Variants in PTGR3 observed in about 807,000 individuals in gnomAD.
PTGR3 encodes the protein prostaglandin reductase 3, also known as zinc binding alcohol dehydrogenase domain containing 2.
chr18:75,201,484 T>C, the PTGR3 span: 1 of 1,614,208 alleles, frequency 6.2e-7, no homozygotes, highest in Non-Finnish European at 8.5e-7. Flanking sequence ...CCCATGTACA[T>C]ATAATTGACA....
the PTGR3 span, among the ~76,000 whole-genome samples, chr18:75,204,998 G>A: frequency 1.3e-5 from 2 of 152,178 alleles, no homozygotes; most frequent in African/African-American, 4.8e-5. Context: ...CTGCGTCGTC[G>A]GTGAAGGAGG....
chr18:75,196,219 C>T, the PTGR3 span: 1 of 152,170 alleles, frequency 6.6e-6, no homozygotes, highest in Non-Finnish European at 1.5e-5. Context: ...TTAGATGCTA[C>T]CACCTATGTG....
chr18:75,202,665 C>CAA, the PTGR3 span, among the ~76,000 whole-genome samples: 9,854 of 78,968 alleles, frequency 0.12, 529 homozygotes, highest in African/African-American at 0.22. Flanking sequence ...TAGAAATAAG[C>CAA]AAAAAAAAAA....
chr18:75,208,750 G>A, the PTGR3 span: 130 of 1,150,364 alleles, frequency 1.1e-4, no homozygotes, highest in Non-Finnish European at 1.4e-4. Context: ...GCGCGCCGGA[G>A]TGTGGGCACG....
At chr18:75,204,000 A>AG in the PTGR3 span, among the ~76,000 whole-genome samples, 1 of 152,180 alleles carries the variant, frequency 6.6e-6, no homozygotes, top group Non-Finnish European at 1.5e-5. Context: ...TTGCTCTGGA[A>AG]GTGGGGGGAC....
the PTGR3 span, chr18:75,199,397 C>T: frequency 1.3e-5 from 2 of 152,366 alleles, no homozygotes; most frequent in Non-Finnish European, 1.5e-5. Flanking sequence ...AGATTTCACA[C>T]ATCTATCTGC....
At chr18:75,208,578 G>A in the PTGR3 span, 2,168 of 1,017,284 alleles carry the variant, frequency 2.1e-3, 79 homozygotes, top group South Asian at 0.076. Flanking sequence ...GGGAGGGCTG[G>A]AGGAGGGGAG....
chr18:75,196,717 C>T, the PTGR3 span: 1 of 148,478 alleles, frequency 6.7e-6, no homozygotes, highest in African/African-American at 2.5e-5. Context: ...TTTCTCCAAA[C>T]TGTGCTCCCC....
At chr18:75,199,085 C>G in the PTGR3 span, 4 of 152,626 alleles carry the variant, frequency 2.6e-5, no homozygotes, top group African/African-American at 9.7e-5. Flanking sequence ...AAACAGCATG[C>G]AGTGCACTTT....
the PTGR3 span, chr18:75,201,617 C>T: frequency 6.2e-7 from 1 of 1,614,176 alleles, no homozygotes; most frequent in South Asian, 1.1e-5. Context: ...CTGCTTGATA[C>T]TTAGAAAGGT....
the PTGR3 span, chr18:75,208,990 G>A: frequency 1.9e-6 from 3 of 1,594,892 alleles, no homozygotes; most frequent in Non-Finnish European, 2.6e-6. Flanking sequence ...AGCCCTGGAA[G>A]TCCAGGAAGT....
At chr18:75,199,502 A>C in the PTGR3 span, 1 of 152,170 alleles carries the variant, frequency 6.6e-6, no homozygotes, top group Non-Finnish European at 1.5e-5. Context: ...TTCCATTACC[A>C]GTCATTTCCT....
At chr18:75,204,381 A>G in the PTGR3 span, among the ~76,000 whole-genome samples, 1 of 152,156 alleles carries the variant, frequency 6.6e-6, no homozygotes, top group East Asian at 1.9e-4. Context: ...GCAGAGGCCA[A>G]GTTTGGGAGG....
At chr18:75,209,011 C>T in the PTGR3 span, 4 of 1,585,878 alleles carry the variant, frequency 2.5e-6, no homozygotes, top group African/African-American at 4.1e-5. This position sits in a 1 kb window ranked among gnomAD's most constrained non-coding sequence, Gnocchi z 4.7. Flanking sequence ...GGCGGGCGTA[C>T]GACATGTCCA....
the PTGR3 span, chr18:75,205,231 C>T: frequency 8.1e-6 from 8 of 985,500 alleles, no homozygotes; most frequent in Admixed American, 1.8e-4. Flanking sequence ...TTCCGCTCCA[C>T]CAGAAACAAG....
the PTGR3 span, chr18:75,196,245 AT>A: frequency 6.6e-6 from 1 of 152,154 alleles, no homozygotes; most frequent in Non-Finnish European, 1.5e-5. Flanking sequence ...TGTTTTAATT[AT>A]TTTAATTTCA....
the PTGR3 span, among the ~76,000 whole-genome samples, chr18:75,207,037 A>C: frequency 6.6e-6 from 1 of 152,136 alleles, no homozygotes; most frequent in Non-Finnish European, 1.5e-5. Context: ...AGGGAGAGGA[A>C]TCACAGGAGG....
chr18:75,209,130 G>A, the PTGR3 span: 3 of 1,278,868 alleles, frequency 2.3e-6, no homozygotes, highest in Non-Finnish European at 3.0e-6. This position sits in a 1 kb window ranked among gnomAD's most constrained non-coding sequence, Gnocchi z 4.7. Flanking sequence ...GCTCGGCTCG[G>A]CTGTGCTCTG....
the PTGR3 span, chr18:75,208,602 T>A: frequency 1.1e-6 from 1 of 904,476 alleles, no homozygotes; most frequent in Non-Finnish European, 1.4e-6. Flanking sequence ...AATCCCAAAT[T>A]AAAATAACCC....
Sources: gnomAD v4.1 joint callset for allele counts (sites outside exome capture counted in the v4.1 genomes callset) on GRCh38, gnomAD v4.1.1 for gene constraint, Gnocchi (gnomAD v3.1) non-coding constraint, MANE v1.5 for transcripts, NCBI Gene and HGNC (gene_info 2026-07-23, HGNC 2026-07-21) for gene names.